The following FOXP4 variants were observed in gnomAD, a reference collection of about 807,000 sequenced individuals.
FOXP4 encodes the protein forkhead box protein P4.
A neutral mutation model predicts 82.6 loss-of-function variants in FOXP4; 25 were observed. The observed-to-expected ratio is 0.30, with a 90% confidence interval of 0.22 to 0.42. The LOEUF (loss-of-function observed/expected upper bound fraction) is 0.42, where lower values mean the gene tolerates loss of function less well. Among genes scored for constraint, FOXP4 ranks in the 10% least tolerant of loss-of-function variants. The probability of loss-of-function intolerance (pLI) is 1.00; values close to 1 mark genes in which losing one functional copy is unlikely to be tolerated. For synonymous variants in FOXP4, 415 were observed against 388.2 expected (o/e 1.07, Z -0.81); for missense variants, 785 against 900.9 (o/e 0.87, Z 1.65).
chr6:41,552,623 T>C (rs1370756624), intron 1 of FOXP4, among the ~76,000 whole-genome samples: 2 of 152,202 alleles, frequency 1.3e-5, no homozygotes, highest in Non-Finnish European at 2.9e-5. Flanking sequence ...AGCTCCTGCA[T>C]GTCTGAGACC....
At chr6:41,595,883 C>T (rs1346762180) in intron 14 of FOXP4, among the ~76,000 whole-genome samples, 3 of 151,312 alleles carry the variant, frequency 2.0e-5, no homozygotes, top group Admixed American at 6.6e-5. Flanking sequence ...GGATTATAGG[C>T]GTGCACCAGC....
intron 1 of FOXP4, among the ~76,000 whole-genome samples, chr6:41,560,699 G>C (rs1454376975): frequency 6.6e-6 from 1 of 152,226 alleles, no homozygotes; most frequent in Non-Finnish European, 1.5e-5. Flanking sequence ...GTGCCTGTTT[G>C]GGGGAAGAAA....
intron 1 of FOXP4, among the ~76,000 whole-genome samples, chr6:41,548,119 C>T (rs1231147140): frequency 6.6e-6 from 1 of 152,234 alleles, no homozygotes; most frequent in African/African-American, 2.4e-5. Context: ...GCGCGCCCCG[C>T]TCTTTCCTTT....
At chr6:41,564,351 G>A (rs1456093385) in intron 1 of FOXP4, among the ~76,000 whole-genome samples, 1 of 152,188 alleles carries the variant, frequency 6.6e-6, no homozygotes, top group Non-Finnish European at 1.5e-5. Context: ...CCCGGGAGAC[G>A]GAGGTTGCAG....
chr6:41,551,454 T>A (rs901083966), intron 1 of FOXP4, among the ~76,000 whole-genome samples: 2 of 152,132 alleles, frequency 1.3e-5, no homozygotes, highest in Non-Finnish European at 2.9e-5. Context: ...AGCCGCCTGT[T>A]CCCTGAATCC....
At chr6:41,582,478 G>A (rs1163629318) in intron 3 of FOXP4, among the ~76,000 whole-genome samples, 4 of 152,222 alleles carry the variant, frequency 2.6e-5, no homozygotes, top group Non-Finnish European at 5.9e-5. Context: ...AAATATCAGG[G>A]ACAAAAACCA....
At chr6:41,570,290 T>C (rs1349976026) in intron 2 of FOXP4, 1 of 468,432 alleles carries the variant, frequency 2.1e-6, no homozygotes, top group East Asian at 7.0e-5. Flanking sequence ...GGAGGGAGAG[T>C]TGGGGCCCGC....
intron 1 of FOXP4, among the ~76,000 whole-genome samples, chr6:41,556,384 C>T (rs563515996): frequency 2.0e-5 from 3 of 148,170 alleles, no homozygotes; most frequent in Non-Finnish European, 3.0e-5. Context: ...AGTGCAGTGG[C>T]GTCATCTTGG....
intron 1 of FOXP4, among the ~76,000 whole-genome samples, chr6:41,552,167 C>T (rs1263379519): frequency 6.6e-6 from 1 of 152,294 alleles, no homozygotes; most frequent in East Asian, 1.9e-4. Context: ...TCTAGGAGAA[C>T]ATTTCTATGG....
At chr6:41,546,930 C>G (rs1581684088) in intron 1 of FOXP4, 63 bp downstream of exon 1, 1 of 151,264 alleles carries the variant, frequency 6.6e-6, no homozygotes, top group South Asian at 2.1e-4. Context: ...GACCAACTCC[C>G]TCGCTCGCGC....
Position 41,591,124 on chromosome 6 carries a change from G to A in FOXP4, c.1435-97G>A. On this transcript the variant is annotated intron_variant, in intron 12 of 16. Transcript: ENST00000307972. This position sits in a 1 kb window ranked among gnomAD's most constrained non-coding sequence, Gnocchi z 4.2. Reference sequence around the variant, plus strand: ...AGGTCTTCTCACAAAGTGAACTCGGGGCTAGGCAGAAGGGAGAGGTACTGG... The same window carrying A: ...AGGTCTTCTCACAAAGTGAACTCGGAGCTAGGCAGAAGGGAGAGGTACTGG... 1.0e-6 allele frequency: 1 copy of A among 964,752 alleles called. No individual in the cohort carries two copies. The allele number at this position is 964,752 out of a possible 1,614,324, so 59.8% of individuals were successfully genotyped here.
At chr6:41,586,581 C>T (rs1266979348) in intron 5 of FOXP4, among the ~76,000 whole-genome samples, 1 of 152,210 alleles carries the variant, frequency 6.6e-6, no homozygotes, top group Non-Finnish European at 1.5e-5. Flanking sequence ...AACTCCCTCC[C>T]CAGAGCAGAA....
Position 41,590,013 on chromosome 6 carries a change from A to G in FOXP4, c.1200A>G (p.Ala400=). ...CATTCTCCAAGGTGACCGTCTCTGCAGCAGACTCATTCCCAGATGGTCTCG... is the reference window on the plus strand; with the variant it reads ...CATTCTCCAAGGTGACCGTCTCTGCGGCAGACTCATTCCCAGATGGTCTCG... ...SSSFSKVTVS[A]ADSFPDGLVH... is the part of the protein sequence containing the mutation. The change falls in exon 11 of 17, where the codon GCA becomes GCG. Residue 400 remains alanine, a synonymous_variant. Transcript: ENST00000307972. 6.2e-7 allele frequency: 1 copy of G among 1,613,970 alleles called. No homozygotes were observed. Among genetic ancestry groups the G allele is most frequent in the Non-Finnish European group, 8.5e-7 (1 of 1,179,970 alleles).
intron 1 of FOXP4, among the ~76,000 whole-genome samples, chr6:41,564,431 T>C (rs1581720805): frequency 1.3e-5 from 2 of 152,112 alleles, no homozygotes; most frequent in African/African-American, 4.8e-5. Context: ...AAAGATAAAA[T>C]GAATAAATTA....
intron 13 of FOXP4, among the ~76,000 whole-genome samples, chr6:41,592,112 G>C (rs918615305): frequency 6.6e-6 from 1 of 151,982 alleles, no homozygotes; most frequent in Admixed American, 6.6e-5. Flanking sequence ...GGTTAGACGC[G>C]GGGAAGGACT....
In FOXP4 at chr6:41,585,528, G is replaced by T; in HGVS notation, c.510+11G>T. On this transcript the variant is annotated intron_variant, in intron 5 of 16. Transcript: ENST00000307972. ...CCGCAGCCCAAAGAGGTAAGGGGCT[G>T]TACCAGGGCCCACCACCGCCCTCAC... 6.2e-7 allele frequency: 1 copy of T among 1,612,018 alleles called. No individual in the cohort carries two copies. The highest frequency in any genetic ancestry group is 8.5e-7 in the Non-Finnish European group (1 of 1,178,764).
At chr6:41,585,172 A>T (rs1299116948) in intron 4 of FOXP4, among the ~76,000 whole-genome samples, 1 of 152,128 alleles carries the variant, frequency 6.6e-6, no homozygotes, top group Non-Finnish European at 1.5e-5. Flanking sequence ...ACATTCTGGC[A>T]CGTTGTCCCC....
At chr6:41,582,206 G>A (rs1024207044) in intron 3 of FOXP4, among the ~76,000 whole-genome samples, 7 of 152,204 alleles carry the variant, frequency 4.6e-5, no homozygotes, top group East Asian at 1.9e-4. Context: ...TGTCCCTTCC[G>A]GGTCAGGGTC....
At chr6:41,574,762 TG>T (rs1765380409) in intron 2 of FOXP4, among the ~76,000 whole-genome samples, 2 of 152,172 alleles carry the variant, frequency 1.3e-5, no homozygotes. Flanking sequence ...ACACATCTGG[TG>T]CAGCAGCGTG....
Sources: gnomAD v4.1 joint callset for allele counts (sites outside exome capture counted in the v4.1 genomes callset) on GRCh38, gnomAD v4.1.1 for gene constraint, Gnocchi (gnomAD v3.1) non-coding constraint, MANE v1.5 for transcripts, NCBI Gene and HGNC (gene_info 2026-07-23, HGNC 2026-07-21) for gene names.